Variants in LGALS8 observed in about 807,000 individuals in gnomAD.
The protein encoded by LGALS8 is galectin 8.
A neutral mutation model predicts 35.9 loss-of-function variants in LGALS8; 30 were observed. The ratio of observed to expected loss-of-function variants is 0.83; its 90% CI spans 0.62 to 1.13. The LOEUF is 1.13. Among genes scored for constraint, LGALS8 ranks in the 50% most tolerant of loss-of-function variants. LGALS8 has a pLI of 0.00. For synonymous variants in LGALS8, 138 were observed against 136.1 expected (o/e 1.01, Z -0.10); for missense variants, 366 against 388.7 (o/e 0.94, Z 0.49).
rs76623321 is a variant in LGALS8, at chr1:236,537,454, T to G, written c.46-43T>G. ...TGGGTTGTAATTGCTTAGTAAGTAATTTTGTTTATGTAAACGTACATTTGT... is the reference window on the plus strand; with the variant it reads ...TGGGTTGTAATTGCTTAGTAAGTAAGTTTGTTTATGTAAACGTACATTTGT... On this transcript the variant is annotated intron_variant, in intron 2 of 9. Transcript: ENST00000366584. 6,197 of 1,243,890 alleles carry G rather than the reference T, an allele frequency of 5.0e-3. 216 individuals are homozygous for G. The African/African-American group carries it at 0.077, about 15-fold the overall frequency. The allele number at this position is 1,243,890 out of a possible 1,614,324, so 77.1% of individuals were successfully genotyped here. A position where few individuals can be genotyped will look rare whatever the true frequency, so the allele number is the denominator to read the frequency against.
rs1662760729 is a variant in LGALS8 at position 236,551,836 on chromosome 1, GC to G, written c.*3676del. On this transcript the variant is annotated 3_prime_UTR_variant, in exon 10 of 10. Coordinates refer to ENST00000366584, the MANE Select transcript of LGALS8 (RefSeq NM_201544.4). The stretch of plus-strand genomic sequence containing the variant: ...TCCCTCCACCCAACTCAAAACAGGA[GC>G]TCGAGCCTGCCTGTATTTGAGACTG... 1 of 574,502 alleles carries G rather than the reference GC, an allele frequency of 1.7e-6. No individual in the cohort carries two copies. Among genetic ancestry groups the G allele is most frequent in the Non-Finnish European group, 3.1e-6 (1 of 324,064 alleles). The allele number at this position is 574,502 out of a possible 1,614,324, so 35.6% of individuals were successfully genotyped here.
intron 4 of LGALS8, 33 bp from the exon 5 acceptor site, chr1:236,540,531 G>GC: frequency 6.9e-7 from 1 of 1,439,726 alleles, no homozygotes; most frequent in East Asian, 2.6e-5. Flanking sequence ...TTTTTTGGTG[G>GC]CGGGGGGGGC....
chr1:236,545,511 C>T (rs1662308232), intron 9 of LGALS8, among the ~76,000 whole-genome samples: 1 of 152,186 alleles, frequency 6.6e-6, no homozygotes, highest in African/African-American at 2.4e-5. Context: ...TTTGGCCAGC[C>T]TCAATCACCA....
intron 9 of LGALS8, among the ~76,000 whole-genome samples, chr1:236,545,571 T>TATCA (rs1380830540): frequency 6.6e-6 from 1 of 152,234 alleles, no homozygotes; most frequent in African/African-American, 2.4e-5. Context: ...TGGTTTAGGT[T>TATCA]ATCATTCTAC....
intron 9 of LGALS8, chr1:236,545,192 C>G (rs1187837843): frequency 1.6e-5 from 4 of 249,602 alleles, no homozygotes; most frequent in African/African-American, 6.6e-5. Context: ...AACCAGGAAG[C>G]TTGTCTCAGG....
In LGALS8 at chr1:236,525,965, C is replaced by A; in HGVS notation, c.-103-3C>A. 1 of 727,636 alleles carries A rather than the reference C, an allele frequency of 1.4e-6. No homozygotes were observed. The highest frequency in any genetic ancestry group is 2.4e-6 in the Non-Finnish European group (1 of 424,088). The allele number at this position is 727,636 out of a possible 1,614,324, so 45.1% of individuals were successfully genotyped here. On this transcript the variant is annotated splice_polypyrimidine_tract_variant and splice_region_variant and intron_variant, in intron 1 of 9. Transcript: ENST00000366584. ...TCTTTTCCTCTATTTTTACTTTACA[C>A]AGGGCCAGTGCCTCAGTTTCAATCC... is the stretch of plus-strand genomic sequence containing the variant.
At chr1:236,545,897 G>A (rs912730554) in intron 9 of LGALS8, among the ~76,000 whole-genome samples, 4 of 152,112 alleles carry the variant, frequency 2.6e-5, no homozygotes, top group African/African-American at 9.7e-5. Context: ...GGCAGCACAG[G>A]GTTGTTAGCT....
chr1:236,537,791 T>G (rs1008786699), intron 3 of LGALS8, among the ~76,000 whole-genome samples: 2 of 95,136 alleles, frequency 2.1e-5, no homozygotes, highest in South Asian at 5.4e-4. Flanking sequence ...TAAGTCTGAT[T>G]TCAGTATAAA....
chr1:236,536,998 C>A (rs1042664124), intron 2 of LGALS8, among the ~76,000 whole-genome samples: 1 of 144,126 alleles, frequency 6.9e-6, no homozygotes, highest in South Asian at 2.2e-4. Context: ...TTGCAGATAT[C>A]CTGGCCATGA....
intron 6 of LGALS8, among the ~76,000 whole-genome samples, 164 bp downstream of exon 6, chr1:236,541,874 GTT>G (rs1662020710): frequency 6.6e-6 from 1 of 152,216 alleles, no homozygotes; most frequent in Admixed American, 6.5e-5. Context: ...CACGCAGTAA[GTT>G]TTTGCTGATG....
chr1:236,543,373 T>G lies in LGALS8; in HGVS notation c.550-187T>G, dbSNP rs1662143682. On this transcript the variant is annotated intron_variant, in intron 7 of 9. Coordinates refer to ENST00000366584, the MANE Select transcript of LGALS8 (RefSeq NM_201544.4). ...TCATCGTCTAAAATGTAATCATGTG[T>G]GTTTGCTTCGAGCCAGGGACAGTGC... is the stretch of plus-strand genomic sequence containing the variant. 5.7e-6 allele frequency: 4 copies of G among 700,776 alleles called. No homozygotes were observed. The South Asian group carries it at 6.0e-5, about 11-fold the overall frequency. 43.4% of individuals were successfully genotyped at this position (700,776 alleles called of 1,614,324 possible).
chr1:236,528,131 C>G (rs1660922336), intron 2 of LGALS8, among the ~76,000 whole-genome samples: 4 of 152,042 alleles, frequency 2.6e-5, no homozygotes, highest in Non-Finnish European at 4.4e-5. Context: ...ACCTGTAATC[C>G]CAGCACTTTG....
intron 9 of LGALS8, among the ~76,000 whole-genome samples, chr1:236,545,984 G>A (rs1320631433): frequency 1.3e-5 from 2 of 152,212 alleles, no homozygotes; most frequent in African/African-American, 4.8e-5. Context: ...GAAGGAAGTT[G>A]AGCCTTGTGG....
intron 2 of LGALS8, among the ~76,000 whole-genome samples, chr1:236,534,781 C>T (rs1046059021): frequency 1.3e-5 from 2 of 151,948 alleles, no homozygotes; most frequent in Admixed American, 6.6e-5. Context: ...GGGCCGGGTG[C>T]GGTAGCTTCT....
intron 4 of LGALS8, chr1:236,540,263 A>C (rs1425810980): frequency 3.7e-6 from 1 of 267,644 alleles, no homozygotes; most frequent in East Asian, 7.0e-5. Flanking sequence ...CGACCTTCGA[A>C]CCCAGATGTC....
At position 236,542,782 on chromosome 1, in the gene LGALS8, C is replaced by T. The variant is rs942194069; in HGVS notation, c.544C>T (p.Gln182Ter). The T allele has an allele frequency of 1.9e-6, 3 of 1,614,168 alleles. No homozygotes were observed. Among genetic ancestry groups the T allele is most frequent in the South Asian group, 1.1e-5 (1 of 91,080 alleles). Reference sequence around the variant, plus strand: ...ATAGGTTCCAAAGTCTGGCACGCCCCAGCTTGTGAGTATTTTTGCCTGGGT... The same window carrying T: ...ATAGGTTCCAAAGTCTGGCACGCCCTAGCTTGTGAGTATTTTTGCCTGGGT... ...RENVPKSGTP[Q>*]LRLPFAARLN... Residue 182 changes from glutamine to a stop codon, truncating the protein, a stop_gained, in exon 7 of 10, where the codon CAG becomes TAG. Transcript: ENST00000366584. LOFTEE classifies it high-confidence loss of function.
chr1:236,538,863 GTCTTCCC>G lies in LGALS8; in HGVS notation c.135-13_135-7del. ...TTCTGAGCACTCATGGGGCCCCTGT[GTCTTCCC>G]TCATATAGATTCCAGGTGGATCTGC... On this transcript the variant is annotated splice_polypyrimidine_tract_variant and intron_variant, in intron 3 of 9. Coordinates refer to ENST00000366584, the MANE Select transcript of LGALS8 (RefSeq NM_201544.4). The G allele has an allele frequency of 6.2e-7, 1 of 1,602,362 alleles. No individual in the cohort carries two copies. Among genetic ancestry groups the G allele is most frequent in the Non-Finnish European group, 8.5e-7 (1 of 1,170,810 alleles).
At chr1:236,528,782 A>G (rs1490028526) in intron 2 of LGALS8, among the ~76,000 whole-genome samples, 1 of 151,806 alleles carries the variant, frequency 6.6e-6, no homozygotes. Flanking sequence ...CGGCCTCCCA[A>G]AGTGTTGGGA....
At chr1:236,523,972 G>T (rs1270808100), upstream of LGALS8, 2 of 379,306 alleles carry the variant, frequency 5.3e-6, no homozygotes, top group Non-Finnish European at 1.1e-5. Context: ...TCCCGTAGCC[G>T]CCCACGGACG....
Sources: gnomAD v4.1 joint callset for allele counts (sites outside exome capture counted in the v4.1 genomes callset) on GRCh38, gnomAD v4.1.1 for gene constraint, MANE v1.5 for transcripts, NCBI Gene and HGNC (gene_info 2026-07-23, HGNC 2026-07-21) for gene names.